The following TAF4 variants were observed in gnomAD, a reference collection of about 807,000 sequenced individuals.
The protein encoded by TAF4 is TATA-box binding protein associated factor 4.
A neutral mutation model predicts 90.3 loss-of-function variants in TAF4; 9 were observed. The observed-to-expected ratio is 0.10, with a 90% CI of 0.06 to 0.17. The LOEUF is 0.17. Ranked by LOEUF, TAF4 falls within the 10% of genes least tolerant of loss-of-function variation. The pLI, the probability that TAF4 is intolerant of heterozygous loss-of-function variation, is 1.00. For synonymous variants in TAF4, 818 were observed against 638.9 expected, an observed-to-expected ratio of 1.28 and a Z score of -4.23; for missense variants, 1,351 against 1,370.7, an observed-to-expected ratio of 0.99 and a Z score of 0.23.
chr20:61,976,205 C>T lies in TAF4; in HGVS notation c.3221G>A (p.Ser1074Asn). 2.5e-6 allele frequency: 4 copies of T among 1,614,094 alleles called. No individual in the cohort carries two copies. Among genetic ancestry groups the T allele is most frequent in the Non-Finnish European group, 3.4e-6 (4 of 1,180,048 alleles). ...IFCLENERET[S>N]HSLLLYKAFL... ...TGCTTTGTAGAGCAGCAGTGAATGG[C>T]TTGTCTCACGTTCATTTTCTAAACA... is the stretch of plus-strand genomic sequence containing the variant. Residue 1074 changes from serine to asparagine, a missense_variant, in exon 15 of 15, where the codon AGC (serine) becomes AAC (asparagine). By Grantham distance (46) the Ser-to-Asn change is conservative. This residue lies in a region of TAF4 where 13 missense variants were observed against 40.6 expected (regional missense o/e 0.32). Coordinates refer to ENST00000252996, the MANE Select transcript of TAF4 (RefSeq NM_003185.4).
At chr20:62,015,259 AACC>A (rs1454501276) in intron 1 of TAF4, among the ~76,000 whole-genome samples, 1 of 152,258 alleles carries the variant, frequency 6.6e-6, no homozygotes, top group Non-Finnish European at 1.5e-5. Context: ...CTGCCCTGAC[AACC>A]ACAACACAGG....
chr20:62,000,339 T>C (rs569842477), intron 10 of TAF4, 85 bp from the exon 11 acceptor site: 19 of 1,547,640 alleles, frequency 1.2e-5, no homozygotes, highest in Non-Finnish European at 1.6e-5. Flanking sequence ...CAGCAGTTAC[T>C]GCTTTTATAC....
chr20:62,040,652 GC>G (rs2055958404), intron 1 of TAF4, among the ~76,000 whole-genome samples: 2 of 152,216 alleles, frequency 1.3e-5, no homozygotes, highest in South Asian at 4.1e-4. Context: ...AACACTGCAT[GC>G]CCACTAGAAT....
At chr20:61,998,034 G>T in intron 13 of TAF4, 102 bp downstream of exon 13, 1 of 1,089,502 alleles carries the variant, frequency 9.2e-7, no homozygotes, top group Non-Finnish European at 1.3e-6. Flanking sequence ...ACACGCAAAT[G>T]CCTATCGTAC....
At chr20:62,042,270 G>A (rs2055968065) in intron 1 of TAF4, among the ~76,000 whole-genome samples, 1 of 152,186 alleles carries the variant, frequency 6.6e-6, no homozygotes, top group African/African-American at 2.4e-5. Context: ...TCGGCTGCGG[G>A]ACGGCTGAAC....
At chr20:62,048,422 C>T (rs1281368576) in intron 1 of TAF4, among the ~76,000 whole-genome samples, 2 of 152,140 alleles carry the variant, frequency 1.3e-5, no homozygotes, top group African/African-American at 2.4e-5. Context: ...GCTGGAATCT[C>T]CCTGACTCCA....
Position 62,065,249 on chromosome 20 carries a change from TGCCAGGGCCAGGGCCGGGGCCGGG to T in TAF4, c.538_561del (p.Pro180_Gly187del). ...TGCGCGGCGCCGGGGCCGGCGGGCTTGCCAGGGCCAGGGCCGGGGCCGGGGCCGGGGCCGGGCCCGGGGCCGGGG... is the reference window on the plus strand; with the variant it reads ...TGCGCGGCGCCGGGGCCGGCGGGCTTGCCGGGGCCGGGCCCGGGGCCGGGG... On this transcript the variant is annotated inframe_deletion, in exon 1 of 15. Coordinates refer to ENST00000252996, the MANE Select transcript of TAF4 (RefSeq NM_003185.4). The T allele has an allele frequency of 3.9e-6, 4 of 1,017,524 alleles. No individual in the cohort carries two copies. The highest frequency in any genetic ancestry group is 5.4e-5 in the South Asian group (2 of 37,348). 63.0% of individuals were successfully genotyped at this position (1,017,524 alleles called of 1,614,324 possible). A position where few individuals can be genotyped will look rare whatever the true frequency, so the allele number is the denominator to read the frequency against.
chr20:62,013,476 G>A (rs930878302), intron 2 of TAF4, among the ~76,000 whole-genome samples: 1 of 152,222 alleles, frequency 6.6e-6, no homozygotes, highest in South Asian at 2.1e-4. Context: ...GTGAAGCCAC[G>A]AGTGTCTTCC....
In TAF4 at chr20:62,064,551, G is replaced by A; in HGVS notation, c.1260C>T (p.Thr420=). The A allele has an allele frequency of 1.3e-6, 2 of 1,522,646 alleles. No individual in the cohort carries two copies. The highest frequency in any genetic ancestry group is 1.8e-6 in the Non-Finnish European group (2 of 1,139,898). The allele number at this position is 1,522,646 out of a possible 1,614,324, so 94.3% of individuals were successfully genotyped here. Residue 420 remains threonine, a synonymous_variant, in exon 1 of 15, where the codon ACC becomes ACT. Coordinates refer to ENST00000252996, the MANE Select transcript of TAF4 (RefSeq NM_003185.4). ...GCGTCAGGGTGGCCCGAATCCCGCT[G>A]GTGGTGGCCGTGGGCGTCCGGGACA... ...QSLSRTPTAT[T]SGIRATLTPT...
intron 1 of TAF4, among the ~76,000 whole-genome samples, chr20:62,024,786 C>T (rs773866789): frequency 1.2e-4 from 18 of 151,954 alleles, no homozygotes; most frequent in Non-Finnish European, 2.1e-4. Context: ...ACGAAAATCG[C>T]GTGAACCCAG....
intron 7 of TAF4, chr20:62,004,746 A>G (rs1051584607): frequency 2.0e-5 from 3 of 152,204 alleles, no homozygotes; most frequent in African/African-American, 7.2e-5. Flanking sequence ...CAGCATGGCC[A>G]GCTCTGTCCG....
At position 62,010,291 on chromosome 20, in the gene TAF4, A is replaced by G. The variant is rs1332665549; in HGVS notation, c.1642-126T>C. ...GGTGGCCAGGACGCCCAGGAAGCCA[A>G]GGACCCCGGCCACCTGCCAGCCCGC... On this transcript the variant is annotated intron_variant, in intron 3 of 14. Transcript: ENST00000252996. This position sits in a 1 kb window ranked among gnomAD's most constrained non-coding sequence, Gnocchi z 4.5. 2 of 1,427,722 alleles carry G rather than the reference A, an allele frequency of 1.4e-6. No homozygotes were observed. The highest frequency in any genetic ancestry group is 1.9e-6 in the Non-Finnish European group (2 of 1,054,170). 88.4% of individuals were successfully genotyped at this position (1,427,722 alleles called of 1,614,324 possible).
intron 1 of TAF4, among the ~76,000 whole-genome samples, chr20:62,048,535 T>A (rs1461277429): frequency 6.6e-6 from 1 of 152,054 alleles, no homozygotes; most frequent in Non-Finnish European, 1.5e-5. Context: ...ACAAACCCAC[T>A]GCACTTCCAG....
In TAF4 at chr20:62,003,258, G is replaced by A. The variant is rs147530592; in HGVS notation, c.2388C>T (p.Pro796=). Residue 796 remains proline, a synonymous_variant, in exon 9 of 15, where the codon CCC becomes CCT. Coordinates refer to ENST00000252996, the MANE Select transcript of TAF4 (RefSeq NM_003185.4). ...GGGCTTTGGTTCCAGGTAACACGGC[G>A]GGTTTCACCACAGGGACTACAAAAC... The part of the protein sequence containing the change: ...NPLQPVPVVK[P]AVLPGTKALS... The A allele has an allele frequency of 3.1e-5, 50 of 1,613,930 alleles. No homozygotes were observed. Among genetic ancestry groups the A allele is most frequent in the East Asian group, 6.7e-5 (3 of 44,894 alleles).
chr20:62,050,142 G>GTC (rs2056018249), intron 1 of TAF4, among the ~76,000 whole-genome samples: 1 of 152,150 alleles, frequency 6.6e-6, no homozygotes, highest in Non-Finnish European at 1.5e-5. Context: ...GTCAAAACAG[G>GTC]TAACACCCAG....
chr20:62,017,880 G>A (rs986646334), intron 1 of TAF4, among the ~76,000 whole-genome samples: 3 of 151,652 alleles, frequency 2.0e-5, no homozygotes, highest in East Asian at 3.9e-4. Context: ...AAAGGAATAC[G>A]TTCAAAAAAA....
At chr20:62,048,855 A>T (rs1266789420) in intron 1 of TAF4, among the ~76,000 whole-genome samples, 1 of 39,644 alleles carries the variant, frequency 2.5e-5, no homozygotes, top group South Asian at 1.0e-3. Flanking sequence ...CCCTCTCCCC[A>T]CATGCCCACC....
chr20:62,005,880 T>A (rs905307402), intron 7 of TAF4: 13 of 152,342 alleles, frequency 8.5e-5, no homozygotes, highest in African/African-American at 2.9e-4. Context: ...ACCTCTGAAA[T>A]TTTTTTAAAA....
chr20:62,033,648 A>T (rs1441484293), intron 1 of TAF4, among the ~76,000 whole-genome samples: 1 of 152,000 alleles, frequency 6.6e-6, no homozygotes, highest in Non-Finnish European at 1.5e-5. Flanking sequence ...GAAGCACAAG[A>T]ATTGCTTGAA....
Sources: gnomAD v4.1 joint callset for allele counts (sites outside exome capture counted in the v4.1 genomes callset) on GRCh38, gnomAD v4.1.1 for gene constraint, gnomAD v4.1.1 regional missense constraint, Gnocchi (gnomAD v3.1) non-coding constraint, MANE v1.5 for transcripts, NCBI Gene and HGNC (gene_info 2026-07-23, HGNC 2026-07-21) for gene names.